PTPRG: variants seen among roughly 807,000 people sequenced by gnomAD.
PTPRG encodes receptor-type tyrosine-protein phosphatase gamma.
A neutral mutation model predicts 165.3 loss-of-function variants in PTPRG; 102 were observed. The observed-to-expected ratio is 0.62, with a 90% CI of 0.53 to 0.73. PTPRG has a LOEUF of 0.73. Ranked by LOEUF, PTPRG falls within the 30% of genes least tolerant of loss-of-function variation. PTPRG has a pLI of 0.00. For missense variants in PTPRG, 1,866 were observed against 1,861.4 expected, an observed-to-expected ratio of 1.00 and a Z score of -0.05; for synonymous variants, 675 against 669.5, an observed-to-expected ratio of 1.01 and a Z score of -0.13.
chr3:61,643,053 A>G (rs1702106697), intron 1 of PTPRG, among the ~76,000 whole-genome samples: 1 of 152,260 alleles, frequency 6.6e-6, no homozygotes, highest in African/African-American at 2.4e-5. Flanking sequence ...CCATTGGCCT[A>G]TTCCAGACTG....
At chr3:62,040,684 C>T (rs1216229612) in intron 4 of PTPRG, among the ~76,000 whole-genome samples, 2 of 125,912 alleles carry the variant, frequency 1.6e-5, no homozygotes, top group African/African-American at 2.9e-5. Flanking sequence ...CCTCATGATC[C>T]GTCCGCCTTG....
At chr3:62,204,039 C>G in intron 12 of PTPRG, 89 bp downstream of exon 12, 1 of 1,482,496 alleles carries the variant, frequency 6.7e-7, no homozygotes, top group African/African-American at 1.4e-5. Flanking sequence ...GGTGAAGCTT[C>G]AGAAGGTACT....
At chr3:61,624,555 A>G (rs1329835740) in intron 1 of PTPRG, among the ~76,000 whole-genome samples, 1 of 152,212 alleles carries the variant, frequency 6.6e-6, no homozygotes, top group Non-Finnish European at 1.5e-5. Context: ...AGACATGGCT[A>G]TCTTTGGGGT....
At chr3:61,800,660 G>GTT (rs113285798) in intron 2 of PTPRG, among the ~76,000 whole-genome samples, 7 of 138,822 alleles carry the variant, frequency 5.0e-5, no homozygotes, top group Non-Finnish European at 6.3e-5. Context: ...ACGGTACTCT[G>GTT]TTTTTTTTTT....
chr3:61,766,776 C>T (rs1162433907), intron 2 of PTPRG, among the ~76,000 whole-genome samples: 1 of 151,900 alleles, frequency 6.6e-6, no homozygotes, highest in African/African-American at 2.4e-5. Context: ...GCCACCATAC[C>T]CAGCTAATGT....
At chr3:61,995,729 TTCCTTCCTTCCTTCCTTCCC>T (rs2107707058) in intron 3 of PTPRG, among the ~76,000 whole-genome samples, 1 of 135,850 alleles carries the variant, frequency 7.4e-6, no homozygotes. Context: ...CCTTCCTTCC[TTCCTTCCTTCCTTCCTTCCC>T]TCCCTCTCTC....
At chr3:61,654,304 G>C (rs1011502653) in intron 1 of PTPRG, among the ~76,000 whole-genome samples, 6 of 152,094 alleles carry the variant, frequency 3.9e-5, no homozygotes, top group Non-Finnish European at 7.4e-5. Context: ...AGGAGATATA[G>C]GTGGAATTTT....
intron 4 of PTPRG, among the ~76,000 whole-genome samples, chr3:62,006,508 T>A (rs2041301938): frequency 6.6e-6 from 1 of 152,222 alleles, no homozygotes; most frequent in South Asian, 2.1e-4. Context: ...TTGTTTTCAT[T>A]CTTAAAAACT....
chr3:61,651,204 A>T (rs1220610763), intron 1 of PTPRG, among the ~76,000 whole-genome samples: 1 of 152,078 alleles, frequency 6.6e-6, no homozygotes, highest in African/African-American at 2.4e-5. Context: ...CTGTAAGATA[A>T]AAATCCCAAA....
At chr3:61,913,357 C>G (rs1314241828) in intron 2 of PTPRG, among the ~76,000 whole-genome samples, 1 of 152,166 alleles carries the variant, frequency 6.6e-6, no homozygotes, top group East Asian at 1.9e-4. Context: ...GTAGCTGGGA[C>G]TACAGGTGCC....
chr3:61,655,347 T>TC (rs1702481866), intron 1 of PTPRG, among the ~76,000 whole-genome samples: 1 of 152,188 alleles, frequency 6.6e-6, no homozygotes, highest in African/African-American at 2.4e-5. Context: ...GTTGACCTGT[T>TC]CATGATATTC....
intron 1 of PTPRG, among the ~76,000 whole-genome samples, chr3:61,656,042 C>G (rs539186310): frequency 1.3e-5 from 2 of 149,326 alleles, no homozygotes. Context: ...TAGCAAGACC[C>G]CCCCCCCCCC....
At chr3:62,126,616 G>T (rs1703301001) in intron 5 of PTPRG, among the ~76,000 whole-genome samples, 2 of 152,300 alleles carry the variant, frequency 1.3e-5, no homozygotes, top group South Asian at 4.2e-4. Flanking sequence ...TCAGTCAGGG[G>T]CACTTCTGTG....
chr3:61,680,348 G>A (rs1703388693), intron 1 of PTPRG, among the ~76,000 whole-genome samples: 2 of 151,916 alleles, frequency 1.3e-5, no homozygotes, highest in East Asian at 1.9e-4. Context: ...CTCATCTCAG[G>A]GTGGCTGGAC....
chr3:61,699,083 A>C (rs553833418), intron 1 of PTPRG, among the ~76,000 whole-genome samples: 11 of 152,218 alleles, frequency 7.2e-5, no homozygotes, highest in East Asian at 5.8e-4. Context: ...TCACGAGTTA[A>C]TGGGTGCAGC....
chr3:62,149,656 G>T (rs558707962), intron 6 of PTPRG, among the ~76,000 whole-genome samples: 1 of 151,996 alleles, frequency 6.6e-6, no homozygotes, highest in Non-Finnish European at 1.5e-5. Context: ...CCAACTTGCC[G>T]TTTCTCACCC....
intron 2 of PTPRG, among the ~76,000 whole-genome samples, chr3:61,947,891 A>G (rs2039802518): frequency 1.3e-5 from 2 of 152,218 alleles, no homozygotes; most frequent in African/African-American, 4.8e-5. Flanking sequence ...GGCCCTGACC[A>G]GACCCTGCTT....
chr3:62,041,537 C>A (rs1700130657), intron 4 of PTPRG, among the ~76,000 whole-genome samples: 1 of 152,172 alleles, frequency 6.6e-6, no homozygotes, highest in Non-Finnish European at 1.5e-5. Flanking sequence ...CCTTCACATA[C>A]AACCTTCCAC....
intron 4 of PTPRG, among the ~76,000 whole-genome samples, chr3:62,034,432 A>G (rs999340086): frequency 6.6e-6 from 1 of 152,210 alleles, no homozygotes; most frequent in Non-Finnish European, 1.5e-5. Context: ...TAGTAAGTCC[A>G]GTGAGTGGTG....
Sources: allele counts gnomAD v4.1 joint callset (sites outside exome capture counted in the v4.1 genomes callset), GRCh38; gene constraint gnomAD v4.1.1; transcripts MANE v1.5; gene names NCBI Gene and HGNC (gene_info 2026-07-23, HGNC 2026-07-21).